The following CADM2 variants were observed in gnomAD, a reference collection of about 807,000 sequenced individuals.
The protein encoded by CADM2 is immunoglobulin superfamily member 4D.
In CADM2, 12 loss-of-function variants were observed where a neutral mutation model predicts 49.8. The observed-to-expected ratio is 0.24, with a 90% confidence interval of 0.15 to 0.39. The LOEUF (loss-of-function observed/expected upper bound fraction) is 0.39. Among genes scored for constraint, CADM2 ranks in the 10% least tolerant of loss-of-function variants. The probability of loss-of-function intolerance (pLI) is 1.00; values close to 1 mark genes in which losing one functional copy is unlikely to be tolerated. For synonymous variants in CADM2, 214 were observed against 175.4 expected (o/e 1.22, Z -1.74); for missense variants, 378 against 492.3 (o/e 0.77, Z 2.20).
At chr3:85,558,422 T>G (rs2062014397) in intron 1 of CADM2, among the ~76,000 whole-genome samples, 1 of 151,984 alleles carries the variant, frequency 6.6e-6, no homozygotes. Context: ...AAAGAATGAT[T>G]TTTTCAAAAT....
chr3:85,396,568 G>A (rs1222043546), intron 1 of CADM2, among the ~76,000 whole-genome samples: 3 of 151,982 alleles, frequency 2.0e-5, no homozygotes, highest in Non-Finnish European at 2.9e-5. Flanking sequence ...TATGCAGTCT[G>A]TAGAAATATG....
chr3:85,415,760 T>C (rs1038579429), intron 1 of CADM2, among the ~76,000 whole-genome samples: 2 of 152,156 alleles, frequency 1.3e-5, no homozygotes, highest in Non-Finnish European at 2.9e-5. Flanking sequence ...AAGTTATGAT[T>C]TGTATACAAA....
intron 1 of CADM2, among the ~76,000 whole-genome samples, chr3:85,460,064 CCT>C (rs955746773): frequency 3.3e-5 from 5 of 152,244 alleles, no homozygotes; most frequent in African/African-American, 1.2e-4. Flanking sequence ...ATCTCTTCTA[CCT>C]CAGCTATTCT....
intron 2 of CADM2, among the ~76,000 whole-genome samples, chr3:85,792,798 A>G (rs1412921122): frequency 6.6e-6 from 1 of 152,230 alleles, no homozygotes; most frequent in African/African-American, 2.4e-5. Context: ...AACATGCATC[A>G]TCCTAGTCTC....
At chr3:85,939,583 C>T (rs1721601514) in intron 7 of CADM2, among the ~76,000 whole-genome samples, 1 of 151,274 alleles carries the variant, frequency 6.6e-6, no homozygotes, top group Admixed American at 6.6e-5. Flanking sequence ...AATAATGAGT[C>T]ATCATTCATT....
chr3:85,780,872 A>T (rs1036370618), intron 2 of CADM2, among the ~76,000 whole-genome samples: 1 of 152,024 alleles, frequency 6.6e-6, no homozygotes, highest in Non-Finnish European at 1.5e-5. Flanking sequence ...TAACCTTGTG[A>T]CTTGTTTCGG....
chr3:85,225,529 A>G (rs906047348), intron 1 of CADM2, among the ~76,000 whole-genome samples: 2 of 152,210 alleles, frequency 1.3e-5, no homozygotes, highest in Admixed American at 6.5e-5. Flanking sequence ...TTGTAAATAT[A>G]CAATCATGTC....
intron 2 of CADM2, among the ~76,000 whole-genome samples, chr3:85,766,109 G>A (rs1236056601): frequency 2.0e-5 from 3 of 152,100 alleles, no homozygotes; most frequent in Admixed American, 2.0e-4. Context: ...AATAGAGGAA[G>A]TACATAGAAG....
At chr3:85,450,600 GA>G (rs1300929683) in intron 1 of CADM2, among the ~76,000 whole-genome samples, 1 of 151,838 alleles carries the variant, frequency 6.6e-6, no homozygotes, top group Non-Finnish European at 1.5e-5. Flanking sequence ...ATTTTGAAAT[GA>G]AAAAATATAT....
chr3:84,994,859 T>C (rs1030468670), intron 1 of CADM2, among the ~76,000 whole-genome samples: 69 of 151,982 alleles, frequency 4.5e-4, no homozygotes, highest in African/African-American at 1.6e-3. Flanking sequence ...AAACCGTGTC[T>C]CTACTAAAAA....
chr3:85,691,801 A>T (rs969889124), intron 1 of CADM2, among the ~76,000 whole-genome samples: 2 of 150,364 alleles, frequency 1.3e-5, no homozygotes, highest in African/African-American at 4.9e-5. Context: ...ATCCATAAAA[A>T]ATGATGAGTT....
intron 8 of CADM2, among the ~76,000 whole-genome samples, chr3:86,039,907 G>A (rs1001554125): frequency 2.6e-5 from 4 of 152,168 alleles, no homozygotes; most frequent in Non-Finnish European, 5.9e-5. Flanking sequence ...CGATCAGGCA[G>A]CAACATTTGC....
intron 1 of CADM2, among the ~76,000 whole-genome samples, chr3:85,209,319 T>A (rs1426816636): frequency 6.6e-6 from 1 of 152,132 alleles, no homozygotes; most frequent in Non-Finnish European, 1.5e-5. Context: ...AAGTGCTTTG[T>A]GTGCATTTAC....
At chr3:86,006,337 G>A (rs1246498460) in intron 8 of CADM2, among the ~76,000 whole-genome samples, 1 of 152,172 alleles carries the variant, frequency 6.6e-6, no homozygotes, top group East Asian at 1.9e-4. Context: ...TGACAGAATA[G>A]TCAACATGAT....
intron 1 of CADM2, among the ~76,000 whole-genome samples, chr3:85,540,771 ATT>A (rs1320594699): frequency 6.6e-6 from 1 of 152,124 alleles, no homozygotes; most frequent in Non-Finnish European, 1.5e-5. Flanking sequence ...AAACAACAGA[ATT>A]TACTTTTCTA....
At chr3:85,785,692 A>G (rs576421671) in intron 2 of CADM2, among the ~76,000 whole-genome samples, 1 of 152,232 alleles carries the variant, frequency 6.6e-6, no homozygotes, top group East Asian at 1.9e-4. Context: ...TGTACTAAAG[A>G]TTAGACTGAG....
At chr3:85,418,439 C>CA (rs1446287530) in intron 1 of CADM2, among the ~76,000 whole-genome samples, 1 of 151,854 alleles carries the variant, frequency 6.6e-6, no homozygotes, top group Non-Finnish European at 1.5e-5. Context: ...TAAAGCTGCT[C>CA]AAAAAATAAA....
intron 1 of CADM2, among the ~76,000 whole-genome samples, chr3:85,560,852 C>G (rs1489084060): frequency 6.6e-6 from 1 of 151,996 alleles, no homozygotes; most frequent in African/African-American, 2.4e-5. Flanking sequence ...ACTGGTGAAC[C>G]CAGCTCCAAA....
chr3:85,556,100 T>TCCA (rs1472292788), intron 1 of CADM2, among the ~76,000 whole-genome samples: 38 of 152,188 alleles, frequency 2.5e-4, no homozygotes, highest in Non-Finnish European at 4.4e-4. Context: ...GATAGCCTAC[T>TCCA]GTTGACTGGA....
Sources: gnomAD v4.1 joint callset for allele counts (sites outside exome capture counted in the v4.1 genomes callset) on GRCh38, gnomAD v4.1.1 for gene constraint, MANE v1.5 for transcripts, NCBI Gene and HGNC (gene_info 2026-07-23, HGNC 2026-07-21) for gene names.